CAMKMT: variants seen among roughly 807,000 people sequenced by gnomAD.
CAMKMT encodes the protein CaM KMT.
A neutral mutation model predicts 48.0 loss-of-function variants in CAMKMT; 53 were observed. That is an observed-to-expected ratio of 1.10 (90% CI 0.89 to 1.39). CAMKMT has a LOEUF of 1.39. Ranked by LOEUF, CAMKMT falls within the 40% of genes most tolerant of loss-of-function variation. The pLI, the probability that CAMKMT is intolerant of heterozygous loss-of-function variation, is 0.00. For synonymous variants in CAMKMT, 165 were observed against 152.3 expected (o/e 1.08, Z -0.61); for missense variants, 428 against 402.7 (o/e 1.06, Z -0.54).
intron 7 of CAMKMT, among the ~76,000 whole-genome samples, chr2:44,717,396 C>T (rs6730944): frequency 0.18 from 26,899 of 152,002 alleles, 2,927 homozygotes; most frequent in African/African-American, 0.31. Context: ...AAGGAGTGAC[C>T]TGATCACTTA....
At chr2:44,763,071 C>G (rs373255251) in intron 9 of CAMKMT, among the ~76,000 whole-genome samples, 2 of 152,160 alleles carry the variant, frequency 1.3e-5, no homozygotes, top group Non-Finnish European at 2.9e-5. Context: ...GTTCTCTCCC[C>G]TGGGGATACT....
chr2:44,599,432 C>T (rs1670855343), intron 3 of CAMKMT, among the ~76,000 whole-genome samples: 1 of 152,074 alleles, frequency 6.6e-6, no homozygotes, highest in African/African-American at 2.4e-5. Context: ...ACAGCTAATC[C>T]TTTCAATGAA....
At position 44,598,190 on chromosome 2, in the gene CAMKMT, A is replaced by G. The variant is rs371453905; in HGVS notation, c.377-106093A>G. Among the ~76,000 whole-genome samples the G allele has an allele frequency of 4.8e-4, 73 of 152,252 alleles. 1 individual carries two copies. In the South Asian group the frequency reaches 0.015, roughly 31 times the overall value. ...ATGAAAATATTACTGTTCATAGCCTACACTTGTAATATAAGGAAATGCTAA... is the reference window on the plus strand; with the variant it reads ...ATGAAAATATTACTGTTCATAGCCTGCACTTGTAATATAAGGAAATGCTAA... On this transcript the variant is annotated intron_variant, in intron 3 of 10. Coordinates refer to ENST00000378494, the MANE Select transcript of CAMKMT (RefSeq NM_024766.5).
chr2:44,578,548 C>A (rs933038138), intron 3 of CAMKMT, among the ~76,000 whole-genome samples: 2 of 151,988 alleles, frequency 1.3e-5, no homozygotes, highest in African/African-American at 4.8e-5. Context: ...AGTCATAAAA[C>A]TGAGGATTCT....
intron 3 of CAMKMT, among the ~76,000 whole-genome samples, chr2:44,534,176 A>G (rs1245697843): frequency 1.3e-5 from 2 of 152,244 alleles, no homozygotes; most frequent in African/African-American, 2.4e-5. Context: ...GGATATAACA[A>G]TTCTTAATAT....
At chr2:44,554,417 C>G (rs1442286211) in intron 3 of CAMKMT, among the ~76,000 whole-genome samples, 3 of 152,144 alleles carry the variant, frequency 2.0e-5, no homozygotes, top group African/African-American at 7.2e-5. Flanking sequence ...ATTTTTCATA[C>G]AGCCCTTAGA....
At chr2:44,429,072 A>AT (rs1684468022) in intron 3 of CAMKMT, among the ~76,000 whole-genome samples, 1 of 152,196 alleles carries the variant, frequency 6.6e-6, no homozygotes, top group South Asian at 2.1e-4. Context: ...GGCTAAAGTC[A>AT]AAGAGCCCAA....
chr2:44,454,884 A>G (rs1201984254), intron 3 of CAMKMT, among the ~76,000 whole-genome samples: 2 of 152,182 alleles, frequency 1.3e-5, no homozygotes, highest in South Asian at 2.1e-4. Context: ...GATATTATTT[A>G]TCTAACAGAA....
In CAMKMT at chr2:44,485,242, T is replaced by C. The variant is rs183270130; in HGVS notation, c.376+94937T>C. On this transcript the variant is annotated intron_variant, in intron 3 of 10. Coordinates refer to ENST00000378494, the MANE Select transcript of CAMKMT (RefSeq NM_024766.5). ...AAAAATGTGTGCACCAAAAGACGTA[T>C]GCAAGAATGTTCATAGTATTTTTTA... Among the ~76,000 whole-genome samples the C allele has an allele frequency of 1.7e-3, 252 of 152,324 alleles. 1 individual carries two copies. The highest frequency in any genetic ancestry group is 2.7e-3 in the Non-Finnish European group (187 of 68,016).
At chr2:44,382,770 C>T (rs1014592600) in intron 2 of CAMKMT, among the ~76,000 whole-genome samples, 131 of 152,318 alleles carry the variant, frequency 8.6e-4, no homozygotes, top group African/African-American at 2.9e-3. Flanking sequence ...TGAGCCACCA[C>T]GCCCGGCCAA....
chr2:44,557,770 T>G (rs1257372156), intron 3 of CAMKMT, among the ~76,000 whole-genome samples: 1 of 152,240 alleles, frequency 6.6e-6, no homozygotes, highest in Admixed American at 6.5e-5. Flanking sequence ...TATTTTTAAG[T>G]CACTTTTTTT....
chr2:44,458,959 G>A (rs1667715555), intron 3 of CAMKMT, among the ~76,000 whole-genome samples: 2 of 152,078 alleles, frequency 1.3e-5, no homozygotes, highest in Admixed American at 1.3e-4. Flanking sequence ...AATAAGACAA[G>A]TAGGCAAAAA....
rs546717895 is a variant in CAMKMT, at chr2:44,724,430, G to A, written c.623+9077G>A. Among the ~76,000 whole-genome samples the A allele has an allele frequency of 3.3e-5, 5 of 152,320 alleles. No individual in the cohort carries two copies. In the South Asian group the frequency reaches 1.0e-3, roughly 32 times the overall value. Reference sequence around the variant, plus strand: ...TTCCAGACATCACATAAACCTTGCTGAAGCAAACTCCATAGAGTTGAGGTT... The same window carrying A: ...TTCCAGACATCACATAAACCTTGCTAAAGCAAACTCCATAGAGTTGAGGTT... On this transcript the variant is annotated intron_variant, in intron 7 of 10. Coordinates refer to ENST00000378494, the MANE Select transcript of CAMKMT (RefSeq NM_024766.5).
At chr2:44,405,698 A>G (rs928011320) in intron 3 of CAMKMT, among the ~76,000 whole-genome samples, 1 of 152,134 alleles carries the variant, frequency 6.6e-6, no homozygotes, top group East Asian at 1.9e-4. Flanking sequence ...ATCCAAGATA[A>G]TAATAACTCA....
chr2:44,365,732 G>C (rs1196040561), intron 1 of CAMKMT, among the ~76,000 whole-genome samples: 5 of 152,174 alleles, frequency 3.3e-5, no homozygotes, highest in Non-Finnish European at 7.3e-5. Context: ...GAATTACATA[G>C]AGTGAGAGAG....
At chr2:44,390,200 C>G in intron 2 of CAMKMT, 41 bp from the exon 3 acceptor site, 1 of 1,510,528 alleles carries the variant, frequency 6.6e-7, no homozygotes, top group Middle Eastern at 1.7e-4. Flanking sequence ...AAAATGTTAA[C>G]ATTTCAGAAT....
intron 3 of CAMKMT, among the ~76,000 whole-genome samples, chr2:44,703,020 ACATTTGC>A (rs1034912174): frequency 6.6e-6 from 1 of 152,170 alleles, no homozygotes; most frequent in African/African-American, 2.4e-5. Flanking sequence ...GAGTCAGAGA[ACATTTGC>A]CACCCGTTCC....
intron 3 of CAMKMT, among the ~76,000 whole-genome samples, chr2:44,606,925 G>A (rs1409810302): frequency 2.0e-5 from 3 of 151,792 alleles, no homozygotes; most frequent in Non-Finnish European, 4.4e-5. Flanking sequence ...TTTCATGACC[G>A]TCTTGAACCT....
intron 3 of CAMKMT, among the ~76,000 whole-genome samples, chr2:44,656,564 A>G (rs992158434): frequency 2.0e-5 from 3 of 152,160 alleles, no homozygotes; most frequent in African/African-American, 7.2e-5. Context: ...ATAGAAATAC[A>G]AATAGCTGTT....
Sources: gnomAD v4.1 joint callset for allele counts (sites outside exome capture counted in the v4.1 genomes callset) on GRCh38, gnomAD v4.1.1 for gene constraint, MANE v1.5 for transcripts, NCBI Gene and HGNC (gene_info 2026-07-23, HGNC 2026-07-21) for gene names.